PCDHGB6: variants seen among roughly 807,000 people sequenced by gnomAD.
PCDHGB6 encodes the protein protocadherin gamma subfamily B, 6, also known as protocadherin gamma-B6.
Under a neutral mutation model 59.1 loss-of-function variants are expected in PCDHGB6, and 51 were observed. The observed-to-expected ratio is 0.86, with a 90% CI of 0.69 to 1.09. The LOEUF is 1.09. Ranked by LOEUF, PCDHGB6 falls within the 50% of genes least tolerant of loss-of-function variation. The probability of loss-of-function intolerance (pLI) is 0.00; values close to 1 mark genes in which losing one functional copy is unlikely to be tolerated. For synonymous variants in PCDHGB6, 466 were observed against 495.1 expected, an observed-to-expected ratio of 0.94 and a Z score of 0.78; for missense variants, 1,148 against 1,205.1, an observed-to-expected ratio of 0.95 and a Z score of 0.70.
At chr5:141,488,855 C>T (rs1441666819) in intron 1 of PCDHGB6, among the ~76,000 whole-genome samples, 2 of 152,190 alleles carry the variant, frequency 1.3e-5, no homozygotes, top group Non-Finnish European at 1.5e-5. Context: ...ACCTGCAGCA[C>T]GAAGTGAGTG....
chr5:141,462,354 C>T (rs1157515386), intron 1 of PCDHGB6, among the ~76,000 whole-genome samples: 1 of 152,162 alleles, frequency 6.6e-6, no homozygotes, highest in Non-Finnish European at 1.5e-5. Flanking sequence ...CAAAAATATA[C>T]ATTGTATAGT....
chr5:141,499,731 C>T (rs2099794093), intron 2 of PCDHGB6, among the ~76,000 whole-genome samples: 1 of 138,132 alleles, frequency 7.2e-6, no homozygotes, highest in African/African-American at 2.7e-5. Context: ...GTCTCACTCT[C>T]TTGCCCAGGC....
At chr5:141,419,640 T>C (rs2096410171) in intron 1 of PCDHGB6, 2 of 1,612,532 alleles carry the variant, frequency 1.2e-6, no homozygotes. Context: ...GTGGTGGCCG[T>C]GGACGCGGAC....
chr5:141,419,539 G>A, intron 1 of PCDHGB6: 3 of 1,612,058 alleles, frequency 1.9e-6, no homozygotes, highest in Non-Finnish European at 2.5e-6. Flanking sequence ...ACAACGCACC[G>A]CGGGTGCTGT....
Position 141,511,015 on chromosome 5 carries a change from C to A in PCDHGB6, c.2635C>A (p.Pro879Thr). Residue 879 changes from proline (P) to threonine (T), a missense_variant, in exon 4 of 4, where the codon CCC becomes ACC. This residue lies in a region of PCDHGB6 where 283 missense variants were observed against 318.6 expected (regional missense o/e 0.89). Coordinates refer to ENST00000520790, the MANE Select transcript of PCDHGB6 (RefSeq NM_018926.3). ...GTMGLSARYG[P>T]QFTLQHVPDY... ...CATGGGATTGAGCGCCCGCTACGGA[C>A]CCCAGTTCACCCTGCAGCACGTGCC... 6.2e-7 allele frequency: 1 copy of A among 1,614,224 alleles called. No individual in the cohort carries two copies. The highest frequency in any genetic ancestry group is 8.5e-7 in the Non-Finnish European group (1 of 1,180,038).
chr5:141,418,637 T>A, intron 1 of PCDHGB6: 1 of 1,613,998 alleles, frequency 6.2e-7, no homozygotes. Context: ...TCCAGGCACC[T>A]CCATCCTGAG....
chr5:141,422,140 C>A, intron 1 of PCDHGB6: 1 of 1,586,776 alleles, frequency 6.3e-7, no homozygotes, highest in Non-Finnish European at 8.5e-7. Flanking sequence ...AGTTCAAGTA[C>A]GGGGGTCTCT....
chr5:141,469,855 G>T (rs1272105046), intron 1 of PCDHGB6, among the ~76,000 whole-genome samples: 4 of 152,186 alleles, frequency 2.6e-5, no homozygotes, highest in Non-Finnish European at 4.4e-5. Flanking sequence ...TTCAGACCGG[G>T]TGCAATGGCT....
At chr5:141,492,933 A>G (rs935580560) in intron 1 of PCDHGB6, among the ~76,000 whole-genome samples, 3 of 152,194 alleles carry the variant, frequency 2.0e-5, no homozygotes, top group Admixed American at 6.5e-5. Flanking sequence ...CTAGGGTCAG[A>G]GATTTGGAGG....
At chr5:141,480,702 C>T (rs1455955207) in intron 1 of PCDHGB6, among the ~76,000 whole-genome samples, 1 of 152,170 alleles carries the variant, frequency 6.6e-6, no homozygotes, top group African/African-American at 2.4e-5. Context: ...AGGCCACACC[C>T]CGACAAATGA....
chr5:141,422,997 C>G, intron 1 of PCDHGB6: 1 of 1,614,218 alleles, frequency 6.2e-7, no homozygotes, highest in South Asian at 1.1e-5. Flanking sequence ...ACCTGGTGAC[C>G]AAGGTGGTTG....
chr5:141,485,938 A>G lies in PCDHGB6; in HGVS notation c.2419-8869A>G. The stretch of plus-strand genomic sequence containing the variant: ...ACAGGATTAGTGTGTTGGAGAGCGC[A>G]CCAGCGGGCATGGTGCTCATCCAGC... On this transcript the variant is annotated intron_variant, in intron 1 of 3. Transcript: ENST00000520790. The surrounding 1 kb of genome is among the most constrained non-coding windows in gnomAD (Gnocchi z 5.7). 6.2e-7 allele frequency: 1 copy of G among 1,614,162 alleles called. No individual in the cohort carries two copies. The highest frequency in any genetic ancestry group is 1.3e-5 in the African/African-American group (1 of 75,028).
At chr5:141,420,245 G>T (rs72790042) in intron 1 of PCDHGB6, 1 of 1,584,230 alleles carries the variant, frequency 6.3e-7, no homozygotes, top group East Asian at 2.2e-5. Flanking sequence ...AACTCCCAGC[G>T]TTGAAGCAGA....
At chr5:141,415,736 TAAGG>T (rs2095905512) in intron 1 of PCDHGB6, 1 of 1,289,864 alleles carries the variant, frequency 7.8e-7, no homozygotes, top group Admixed American at 3.4e-5. Flanking sequence ...TGATGTTTAT[TAAGG>T]TTTTTTTTTT....
intron 1 of PCDHGB6, chr5:141,421,632 G>A (rs2096589368): frequency 6.2e-7 from 1 of 1,613,846 alleles, no homozygotes; most frequent in South Asian, 1.1e-5. Context: ...CCAGCTTCCA[G>A]GAGGACGAAG....
At position 141,487,688 on chromosome 5, in the gene PCDHGB6, G is replaced by A. The variant is rs376927186; in HGVS notation, c.2419-7119G>A. On this transcript the variant is annotated intron_variant, in intron 1 of 3. Coordinates refer to ENST00000520790, the MANE Select transcript of PCDHGB6 (RefSeq NM_018926.3). The surrounding 1 kb of genome is among the most constrained non-coding windows in gnomAD (Gnocchi z 5.0). ...AGGCATATGGCTAGGCCATGTCCTA[G>A]AGAGTACTGGCCTCTCAGTAAGTGC... 6.2e-7 allele frequency: 1 copy of A among 1,604,966 alleles called. No homozygotes were observed.
chr5:141,409,538 A>G lies in PCDHGB6; in HGVS notation c.1336A>G (p.Asn446Asp), dbSNP rs772375542. ...RSITLYVADI[N>D]DNAPVFDQTS... is the part of the protein sequence containing the mutation. ...CATCACCTTGTATGTCGCTGACATC[A>G]ACGACAACGCCCCAGTTTTCGACCA... The change falls in exon 1 of 4, where the codon AAC (asparagine) becomes GAC (aspartate). Residue 446 changes from asparagine (N) to aspartate (D), a missense_variant. Transcript: ENST00000520790. The G allele has an allele frequency of 3.1e-6, 5 of 1,613,844 alleles. No individual in the cohort carries two copies. The highest frequency in any genetic ancestry group is 4.2e-6 in the Non-Finnish European group (5 of 1,179,902).
At chr5:141,448,000 C>T (rs1363676731) in intron 1 of PCDHGB6, among the ~76,000 whole-genome samples, 3 of 151,840 alleles carry the variant, frequency 2.0e-5, no homozygotes, top group Non-Finnish European at 4.4e-5. Flanking sequence ...GCATGAGAAT[C>T]GCTTGAACCC....
Position 141,410,555 on chromosome 5 carries a change from C to T in PCDHGB6, c.2353C>T (p.Pro785Ser), listed in dbSNP as rs768561351. 3 of 1,613,084 alleles carry T rather than the reference C, an allele frequency of 1.9e-6. No individual in the cohort carries two copies. Among genetic ancestry groups the T allele is most frequent in the Middle Eastern group, 1.6e-4 (1 of 6,084 alleles). Residue 785 changes from proline to serine, a missense_variant, in exon 1 of 4, where the codon CCT becomes TCT. Pro to Ser is a moderately conservative substitution (Grantham distance 74). Around this residue, in one of 5 missense-constraint regions of PCDHGB6, gnomAD observed 283 missense variants for 318.6 expected, o/e 0.89. Transcript: ENST00000520790. ...TGAAGACATGGTTTGCAGTGTTTCT[C>T]CTGGAGCCTTAATTCCACCTCATGG... ...SNEDMVCSVS[P>S]GALIPPHGGE...
Sources: allele counts gnomAD v4.1 joint callset (sites outside exome capture counted in the v4.1 genomes callset), GRCh38; gene constraint gnomAD v4.1.1; regional missense constraint gnomAD v4.1.1; non-coding constraint Gnocchi (gnomAD v3.1); transcripts MANE v1.5; gene names NCBI Gene and HGNC (gene_info 2026-07-23, HGNC 2026-07-21).